The following METRN variants were observed in gnomAD, a reference collection of about 807,000 sequenced individuals.
The protein encoded by METRN is meteorin.
A neutral mutation model predicts 17.4 loss-of-function variants in METRN; 17 were observed. That is an observed-to-expected ratio of 0.98 (90% CI 0.67 to 1.46). The LOEUF (loss-of-function observed/expected upper bound fraction) is 1.46. METRN is among the 40% of genes most tolerant of loss of function. METRN has a pLI of 0.00. For missense variants in METRN, 489 were observed against 456.2 expected, an observed-to-expected ratio of 1.07 and a Z score of -0.65; for synonymous variants, 230 against 210.8, an observed-to-expected ratio of 1.09 and a Z score of -0.79.
In METRN at chr16:717,630, G is replaced by A. The variant is rs1331563473; in HGVS notation, c.*243G>A. On this transcript the variant is annotated 3_prime_UTR_variant, in exon 4 of 4. Transcript: ENST00000568223. ...GACCATTTGGCAACTGAGAGGGAGA[G>A]CAGATGTCAGGAGGAGCTACACCCA... 4.8e-6 allele frequency: 2 copies of A among 420,810 alleles called. No individual in the cohort carries two copies. The highest frequency in any genetic ancestry group is 4.2e-6 in the Non-Finnish European group (1 of 240,614). 26.1% of individuals were successfully genotyped at this position (420,810 alleles called of 1,614,324 possible).
In METRN at chr16:715,367, C is replaced by T. The variant is rs1258040450; in HGVS notation, c.78C>T (p.Ser26=). ...CCCCGGCTGCCCGCGCCGGCTACTC[C>T]GAGGAGCGCTGCAGCTGGAGGGGCA... is the stretch of plus-strand genomic sequence containing the variant. ...LLAPAARAGY[S]EERCSWRGSG... is the part of the protein sequence containing the mutation. Residue 26 remains serine, a synonymous_variant, in exon 1 of 4, where the codon TCC becomes TCT. Transcript: ENST00000568223. 3 of 1,337,048 alleles carry T rather than the reference C, an allele frequency of 2.2e-6. No homozygotes were observed. Among genetic ancestry groups the T allele is most frequent in the Non-Finnish European group, 2.9e-6 (3 of 1,045,464 alleles). 82.8% of individuals were successfully genotyped at this position (1,337,048 alleles called of 1,614,324 possible). A position where few individuals can be genotyped will look rare whatever the true frequency, so the allele number is the denominator to read the frequency against.
In METRN at chr16:715,698, T is replaced by A; in HGVS notation, c.219T>A (p.Asp73Glu). Reference sequence around the variant, plus strand: ...TGCGCCTGACCCTGGGCGGCCCCGATCCCAGAGCGCGGCCCGGCATCGCCT... The same window carrying A: ...TGCGCCTGACCCTGGGCGGCCCCGAACCCAGAGCGCGGCCCGGCATCGCCT... ...GALRLTLGGP[D>E]PRARPGIACL... The change falls in exon 2 of 4, where the codon GAT becomes GAA. Residue 73 changes from aspartate (D) to glutamate (E), a missense_variant. Transcript: ENST00000568223. The A allele has an allele frequency of 7.2e-7, 1 of 1,395,924 alleles. No homozygotes were observed. Among genetic ancestry groups the A allele is most frequent in the Non-Finnish European group, 9.3e-7 (1 of 1,078,380 alleles). The allele number at this position is 1,395,924 out of a possible 1,614,324, so 86.5% of individuals were successfully genotyped here.
At position 715,363 on chromosome 16, in the gene METRN, A is replaced by G. The variant is rs1184015710; in HGVS notation, c.74A>G (p.Tyr25Cys). 2.2e-6 allele frequency: 3 copies of G among 1,336,830 alleles called. No individual in the cohort carries two copies. Among genetic ancestry groups the G allele is most frequent in the East Asian group, 3.1e-5 (1 of 31,788 alleles). The allele number at this position is 1,336,830 out of a possible 1,614,324, so 82.8% of individuals were successfully genotyped here. The change falls in exon 1 of 4, where the codon TAC becomes TGC. Residue 25 changes from tyrosine to cysteine, a missense_variant. Coordinates refer to ENST00000568223, the MANE Select transcript of METRN (RefSeq NM_024042.4). ...GLLAPAARAG[Y>C]SEERCSWRGS... Reference sequence around the variant, plus strand: ...CTGGCCCCGGCTGCCCGCGCCGGCTACTCCGAGGAGCGCTGCAGCTGGAGG... The same window carrying G: ...CTGGCCCCGGCTGCCCGCGCCGGCTGCTCCGAGGAGCGCTGCAGCTGGAGG...
At chr16:716,156 C>T (rs1015135271) in intron 2 of METRN, 172 bp downstream of exon 2, 3 of 985,314 alleles carry the variant, frequency 3.0e-6, no homozygotes, top group Non-Finnish European at 3.6e-6. Flanking sequence ...ATGGCCTCCC[C>T]GCCCTCCCTT....
chr16:716,606 C>G, intron 2 of METRN: 1 of 1,535,354 alleles, frequency 6.5e-7, no homozygotes, highest in Non-Finnish European at 8.7e-7. Context: ...TAGAGGGGTC[C>G]CAGATGCTGG....
In METRN at chr16:716,917, C is replaced by A. The variant is rs778845234; in HGVS notation, c.506-16C>A. 6.5e-7 allele frequency: 1 copy of A among 1,540,394 alleles called. No homozygotes were observed. Among genetic ancestry groups the A allele is most frequent in the Non-Finnish European group, 8.8e-7 (1 of 1,141,456 alleles). Reference sequence around the variant, plus strand: ...AGAGGGCAGGGCCTCTCCTCACCACCCCCTCTGCATGCCAGGTGCCTGCAG... The same window carrying A: ...AGAGGGCAGGGCCTCTCCTCACCACACCCTCTGCATGCCAGGTGCCTGCAG... On this transcript the variant is annotated splice_polypyrimidine_tract_variant and intron_variant, in intron 2 of 3. Coordinates refer to ENST00000568223, the MANE Select transcript of METRN (RefSeq NM_024042.4).
Position 715,580 on chromosome 16 carries a change from C to A in METRN, c.105-4C>A. The A allele has an allele frequency of 7.4e-7, 1 of 1,349,930 alleles. No homozygotes were observed. The highest frequency in any genetic ancestry group is 9.5e-7 in the Non-Finnish European group (1 of 1,056,396). The allele number at this position is 1,349,930 out of a possible 1,614,324, so 83.6% of individuals were successfully genotyped here. On this transcript the variant is annotated splice_polypyrimidine_tract_variant and splice_region_variant and intron_variant, in intron 1 of 3. Coordinates refer to ENST00000568223, the MANE Select transcript of METRN (RefSeq NM_024042.4). ...CTCAGCGCCCCGTCCCGTCCTGTCC[C>A]CAGCGGCCTCACCCAGGAGCCCGGC... is the stretch of plus-strand genomic sequence containing the variant.
chr16:717,124 G>A lies in METRN; in HGVS notation c.619G>A (p.Val207Ile). Residue 207 changes from valine to isoleucine, a missense_variant, in exon 4 of 4, where the codon GTC (valine) becomes ATC (isoleucine). Physicochemically the swap from Val to Ile is conservative, Grantham distance 29 (BLOSUM62 3). Transcript: ENST00000568223. ...VTHDVELQES[V>I]ITVVAARVLR... ...CCATGACGTGGAGCTGCAGGAGTCT[G>A]TCATCACTGTGGTGGCCGCCCGTGT... The A allele has an allele frequency of 6.2e-7, 1 of 1,602,166 alleles. No homozygotes were observed. The highest frequency in any genetic ancestry group is 8.5e-7 in the Non-Finnish European group (1 of 1,173,504).
Position 718,151 on chromosome 16 carries a change from C to T in METRN, c.*764C>T, listed in dbSNP as rs1036819081. 2 of 152,282 alleles carry T rather than the reference C, an allele frequency of 1.3e-5. No homozygotes were observed. Among genetic ancestry groups the T allele is most frequent in the Admixed American group, 6.5e-5 (1 of 15,292 alleles). 9.4% of individuals were successfully genotyped at this position (152,282 alleles called of 1,614,324 possible). A position where few individuals can be genotyped will look rare whatever the true frequency, so the allele number is the denominator to read the frequency against. On this transcript the variant is annotated 3_prime_UTR_variant, in exon 4 of 4. Transcript: ENST00000568223. The stretch of plus-strand genomic sequence containing the variant: ...GGTGCACAATGGGGTCTCTAAGGAC[C>T]GTTTCCCGCCACTGGCCCCATTGTC...
At chr16:716,702 T>C in intron 2 of METRN, 1 of 1,535,432 alleles carries the variant, frequency 6.5e-7, no homozygotes, top group Non-Finnish European at 8.7e-7. Flanking sequence ...TCTGTGTGCA[T>C]TCCTGCCTTG....
chr16:716,870 C>T (rs905353025), intron 2 of METRN, 63 bp from the exon 3 acceptor site: 27 of 1,503,400 alleles, frequency 1.8e-5, no homozygotes, highest in African/African-American at 1.7e-4. Context: ...GGACAAGGGA[C>T]GGGGCCTGGG....
rs1203191419 is a variant in METRN, at chr16:717,060, C to T, written c.566-11C>T. The stretch of plus-strand genomic sequence containing the variant: ...CCTGAATGCCTACCGCAGCCACATG[C>T]CTCCCCACAGTAATTCACGGGATCA... On this transcript the variant is annotated splice_polypyrimidine_tract_variant and intron_variant, in intron 3 of 3. Coordinates refer to ENST00000568223, the MANE Select transcript of METRN (RefSeq NM_024042.4). 2.5e-6 allele frequency: 4 copies of T among 1,611,572 alleles called. No individual in the cohort carries two copies. Among genetic ancestry groups the T allele is most frequent in the Non-Finnish European group, 3.4e-6 (4 of 1,179,276 alleles).
intron 1 of METRN, 37 bp downstream of exon 1, chr16:715,430 G>T: frequency 2.4e-6 from 3 of 1,273,758 alleles, no homozygotes; most frequent in Non-Finnish European, 3.0e-6. Context: ...CTTAGGACGG[G>T]GTGCGCTGCG....
In METRN at chr16:715,232, G is replaced by T; in HGVS notation, c.-58G>T. 1 of 952,586 alleles carries T rather than the reference G, an allele frequency of 1.0e-6. No individual in the cohort carries two copies. Among genetic ancestry groups the T allele is most frequent in the East Asian group, 6.0e-5 (1 of 16,734 alleles). 59.0% of individuals were successfully genotyped at this position (952,586 alleles called of 1,614,324 possible). The stretch of plus-strand genomic sequence containing the variant: ...TGCTCCCGCCGCCGCCCGGACCCGC[G>T]CCCCGCCGGGGCAGCGGTGGTGAGA... On this transcript the variant is annotated 5_prime_UTR_variant, in exon 1 of 4. Transcript: ENST00000568223.
chr16:716,813 T>A, intron 2 of METRN, 120 bp from the exon 3 acceptor site: 1 of 1,510,918 alleles, frequency 6.6e-7, no homozygotes, highest in South Asian at 1.2e-5. Context: ...CATCAGGCCC[T>A]GAGCGTGGGC....
chr16:717,395 G>C lies in METRN; in HGVS notation c.*8G>C. 3.5e-6 allele frequency: 5 copies of C among 1,422,326 alleles called. No individual in the cohort carries two copies. Among genetic ancestry groups the C allele is most frequent in the Non-Finnish European group, 4.6e-6 (5 of 1,092,238 alleles). The allele number at this position is 1,422,326 out of a possible 1,614,324, so 88.1% of individuals were successfully genotyped here. A position where few individuals can be genotyped will look rare whatever the true frequency, so the allele number is the denominator to read the frequency against. ...GAGGTGGCGCTGCACTGAGGGGCTGGGTGCTGGGGAGGGGCTGGTAGGAGG... is the reference window on the plus strand; with the variant it reads ...GAGGTGGCGCTGCACTGAGGGGCTGCGTGCTGGGGAGGGGCTGGTAGGAGG... On this transcript the variant is annotated 3_prime_UTR_variant, in exon 4 of 4. Coordinates refer to ENST00000568223, the MANE Select transcript of METRN (RefSeq NM_024042.4).
Position 715,303 on chromosome 16 carries a change from C to G in METRN, c.14C>G (p.Ala5Gly), listed in dbSNP as rs923058651. The change falls in exon 1 of 4, where the codon GCC (alanine) becomes GGC (glycine). Residue 5 changes from alanine to glycine, a missense_variant. Transcript: ENST00000568223. ...GCCCGCCGTGCCATGGGGTTCCCGG[C>G]CGCGGCGCTGCTCTGCGCGCTGTGC... Reference protein sequence around the residue: MGFPAAALLCALCCG... With the variant: MGFPGAALLCALCCG... 39 of 1,337,814 alleles carry G rather than the reference C, an allele frequency of 2.9e-5. No individual in the cohort carries two copies. In the African/African-American group the frequency reaches 5.7e-4, roughly 19 times the overall value. 82.9% of individuals were successfully genotyped at this position (1,337,814 alleles called of 1,614,324 possible). A position where few individuals can be genotyped will look rare whatever the true frequency, so the allele number is the denominator to read the frequency against.
chr16:717,727 T>G lies in METRN; in HGVS notation c.*340T>G. On this transcript the variant is annotated 3_prime_UTR_variant, in exon 4 of 4. Transcript: ENST00000568223. ...GCACTCATGCAAGCTTCTGCTCTGCTGCACCCACCAGCCCCGTCCTTGCCC... is the reference window on the plus strand; with the variant it reads ...GCACTCATGCAAGCTTCTGCTCTGCGGCACCCACCAGCCCCGTCCTTGCCC... 1 of 270,314 alleles carries G rather than the reference T, an allele frequency of 3.7e-6. No individual in the cohort carries two copies. The highest frequency in any genetic ancestry group is 6.9e-6 in the Non-Finnish European group (1 of 144,310). 16.7% of individuals were successfully genotyped at this position (270,314 alleles called of 1,614,324 possible). A position where few individuals can be genotyped will look rare whatever the true frequency, so the allele number is the denominator to read the frequency against.
intron 2 of METRN, chr16:716,721 C>T (rs760962108): frequency 1.4e-5 from 22 of 1,535,300 alleles, no homozygotes; most frequent in African/African-American, 5.5e-5. Flanking sequence ...TGGAGGTACG[C>T]GCCTGCAAGT....
Sources: gnomAD v4.1 joint callset for allele counts on GRCh38, gnomAD v4.1.1 for gene constraint, MANE v1.5 for transcripts, NCBI Gene and HGNC (gene_info 2026-07-23, HGNC 2026-07-21) for gene names.